CDK6: variants seen among roughly 807,000 people sequenced by gnomAD.
The protein encoded by CDK6 is cyclin dependent kinase 6.
Under a neutral mutation model 37.1 loss-of-function variants are expected in CDK6, and 6 were observed. The ratio of observed to expected loss-of-function variants is 0.16; its 90% CI spans 0.09 to 0.32. The LOEUF is 0.32. Ranked by LOEUF, CDK6 falls within the 10% of genes least tolerant of loss-of-function variation. The pLI is 1.00. For missense variants in CDK6, 224 were observed against 418.9 expected, an observed-to-expected ratio of 0.53 and a Z score of 4.06; for synonymous variants, 160 against 161.3, an observed-to-expected ratio of 0.99 and a Z score of 0.06.
At chr7:92,705,865 G>A (rs1353433138) in intron 4 of CDK6, among the ~76,000 whole-genome samples, 1 of 152,206 alleles carries the variant, frequency 6.6e-6, no homozygotes, top group Non-Finnish European at 1.5e-5. Context: ...CAGGTTGAAT[G>A]TGCTACTCAG....
At chr7:92,712,491 A>G (rs574668141) in intron 4 of CDK6, among the ~76,000 whole-genome samples, 1 of 152,340 alleles carries the variant, frequency 6.6e-6, no homozygotes, top group South Asian at 2.1e-4. Flanking sequence ...ATTACAAATG[A>G]TAAGCTGATG....
chr7:92,811,396 C>A (rs1034510464), intron 2 of CDK6, among the ~76,000 whole-genome samples: 1 of 152,084 alleles, frequency 6.6e-6, no homozygotes, highest in African/African-American at 2.4e-5. Context: ...AATATTTACG[C>A]CCTCCTTACC....
chr7:92,686,835 T>C (rs781211909), intron 4 of CDK6, among the ~76,000 whole-genome samples: 5 of 152,092 alleles, frequency 3.3e-5, no homozygotes, highest in Non-Finnish European at 7.4e-5. Context: ...AAGGCAGTAT[T>C]GCATTGTGGT....
intron 2 of CDK6, among the ~76,000 whole-genome samples, chr7:92,818,846 A>C (rs181746083): frequency 6.6e-6 from 1 of 152,170 alleles, no homozygotes; most frequent in Non-Finnish European, 1.5e-5. Flanking sequence ...TCATCAAGTA[A>C]ATGCAAATTA....
chr7:92,672,134 C>CATATATAT (rs372523914), intron 4 of CDK6, among the ~76,000 whole-genome samples: 1,873 of 65,306 alleles, frequency 0.029, 83 homozygotes, highest in Non-Finnish European at 0.034. Flanking sequence ...AAAAGCTGTA[C>CATATATAT]ATATATATAT....
intron 5 of CDK6, among the ~76,000 whole-genome samples, chr7:92,657,062 A>G (rs10264916): frequency 0.29 from 43,683 of 151,898 alleles, 6,662 homozygotes; most frequent in Middle Eastern, 0.39. Flanking sequence ...GAAGGCTCCC[A>G]TGTCACATAA....
intron 3 of CDK6, among the ~76,000 whole-genome samples, chr7:92,760,021 T>A (rs986239278): frequency 2.0e-5 from 3 of 152,188 alleles, no homozygotes; most frequent in African/African-American, 7.2e-5. Context: ...TCCCTGTACC[T>A]GCTAATCCAG....
At chr7:92,722,927 G>A (rs543064268) in intron 4 of CDK6, among the ~76,000 whole-genome samples, 6 of 152,208 alleles carry the variant, frequency 3.9e-5, no homozygotes, top group African/African-American at 7.2e-5. Flanking sequence ...GCTTATGCCT[G>A]TAATCCCAGC....
chr7:92,738,424 G>A (rs1442435511), intron 3 of CDK6, among the ~76,000 whole-genome samples: 1 of 152,180 alleles, frequency 6.6e-6, no homozygotes, highest in African/African-American at 2.4e-5. Flanking sequence ...CAGATCATCT[G>A]AGATCAGGAG....
chr7:92,714,767 C>T (rs1298534101), intron 4 of CDK6, among the ~76,000 whole-genome samples: 4 of 151,842 alleles, frequency 2.6e-5, no homozygotes. Flanking sequence ...CTTTTAAATG[C>T]TTTACTTTAT....
At chr7:92,728,873 GC>G (rs1418154234) in intron 3 of CDK6, among the ~76,000 whole-genome samples, 3 of 151,910 alleles carry the variant, frequency 2.0e-5, no homozygotes, top group African/African-American at 4.8e-5. Flanking sequence ...ACAAAATCTT[GC>G]CCAACATCTC....
rs112275011 is a variant in CDK6 at position 92,772,533 on chromosome 7, C to CA, written c.369+2162dup. 9.7e-3 allele frequency among the ~76,000 whole-genome samples: 1,245 copies of CA among 128,002 alleles called. 11 individuals are homozygous for CA. Among genetic ancestry groups the CA allele is most frequent in the East Asian group, 0.023 (102 of 4,502 alleles). The allele number at this position is 128,002 out of a possible 152,430, so 84.0% of individuals were successfully genotyped here. On this transcript the variant is annotated intron_variant, in intron 3 of 7. Coordinates refer to ENST00000424848, the MANE Select transcript of CDK6 (RefSeq NM_001145306.2). Reference sequence around the variant, plus strand: ...CTTTCCTGGAGATAGACAAAAAGCTCAAAAAAAAAAAAAAATTAACTTTTA... The same window carrying CA: ...CTTTCCTGGAGATAGACAAAAAGCTCAAAAAAAAAAAAAAAATTAACTTTTA...
At chr7:92,672,779 G>A (rs1018281439) in intron 4 of CDK6, among the ~76,000 whole-genome samples, 1 of 152,136 alleles carries the variant, frequency 6.6e-6, no homozygotes, top group Non-Finnish European at 1.5e-5. Context: ...TATTATGGAT[G>A]TCTATCTAAA....
intron 5 of CDK6, 57 bp from the exon 6 acceptor site, chr7:92,623,143 A>T: frequency 4.3e-6 from 5 of 1,160,954 alleles, no homozygotes. Flanking sequence ...CATTTCAATC[A>T]TATTTGCCAT....
intron 5 of CDK6, among the ~76,000 whole-genome samples, chr7:92,651,931 T>C (rs1199284926): frequency 6.6e-6 from 1 of 151,976 alleles, no homozygotes; most frequent in Non-Finnish European, 1.5e-5. Context: ...ATTTTAACAA[T>C]GGGTAAGGGA....
At chr7:92,679,865 C>A (rs951428260) in intron 4 of CDK6, among the ~76,000 whole-genome samples, 1 of 151,752 alleles carries the variant, frequency 6.6e-6, no homozygotes, top group Non-Finnish European at 1.5e-5. Flanking sequence ...GGATTACAGG[C>A]GTGCACCACC....
Position 92,610,446 on chromosome 7 carries a change from G to A in CDK6, c.*4694C>T, listed in dbSNP as rs545455248. 5.6e-5 allele frequency: 13 copies of A among 230,948 alleles called. No homozygotes were observed. The East Asian group carries it at 6.2e-4, about 11-fold the overall frequency. 14.3% of individuals were successfully genotyped at this position (230,948 alleles called of 1,614,324 possible). On this transcript the variant is annotated 3_prime_UTR_variant, in exon 8 of 8. Coordinates refer to ENST00000424848, the MANE Select transcript of CDK6 (RefSeq NM_001145306.2). ...CAGAAAGGCTACTTGAGAAAAAAAC[G>A]TGTAAAAATTGGACCCCTTCTGTTT...
intron 5 of CDK6, among the ~76,000 whole-genome samples, chr7:92,623,605 A>G (rs1795857985): frequency 6.6e-6 from 1 of 152,078 alleles, no homozygotes; most frequent in Non-Finnish European, 1.5e-5. Flanking sequence ...TCCCAATATT[A>G]TGGCAGCTAA....
At chr7:92,636,764 C>T (rs1767650594) in intron 5 of CDK6, among the ~76,000 whole-genome samples, 1 of 152,136 alleles carries the variant, frequency 6.6e-6, no homozygotes, top group Admixed American at 6.5e-5. Flanking sequence ...CTCCTGGGTT[C>T]AAGCGATTCT....
Sources: allele counts gnomAD v4.1 joint callset (sites outside exome capture counted in the v4.1 genomes callset), GRCh38; gene constraint gnomAD v4.1.1; transcripts MANE v1.5; gene names NCBI Gene and HGNC (gene_info 2026-07-23, HGNC 2026-07-21).